Variants in TEX11 observed in about 807,000 individuals in gnomAD.
The protein encoded by TEX11 is testis-expressed protein 11.
Under a neutral mutation model 84.4 loss-of-function variants are expected in TEX11, and 7 were observed. The ratio of observed to expected loss-of-function variants is 0.08; its 90% confidence interval spans 0.05 to 0.16. The LOEUF (loss-of-function observed/expected upper bound fraction) is 0.16. Ranked by LOEUF, TEX11 falls within the 10% of genes least tolerant of loss-of-function variation. The pLI is 1.00. For synonymous variants in TEX11, 264 were observed against 222.8 expected (o/e 1.18, Z -1.64); for missense variants, 551 against 660.5 (o/e 0.83, Z 1.82).
intron 10 of TEX11, among the ~76,000 whole-genome samples, chrX:70,743,141 A>G (rs931422306): frequency 1.8e-5 from 2 of 112,040 alleles, no homozygotes. Context: ...ACCATACATT[A>G]TCTGTCTTTT....
chrX:70,671,803 A>AT (rs775135382), intron 15 of TEX11, among the ~76,000 whole-genome samples: 1 of 103,964 alleles, frequency 9.6e-6, no homozygotes, highest in Non-Finnish European at 2.0e-5. Context: ...CTACCATAAC[A>AT]TTTTTTGGAA....
At chrX:70,565,106 G>A (rs1382523724) in intron 25 of TEX11, among the ~76,000 whole-genome samples, 39 of 108,900 alleles carry the variant, frequency 3.6e-4, no homozygotes, top group African/African-American at 1.3e-3. Context: ...TCTAACTGGT[G>A]TGAGATGGTA....
At chrX:70,699,469 C>T (rs909016644) in intron 13 of TEX11, among the ~76,000 whole-genome samples, 1 of 111,602 alleles carries the variant, frequency 9.0e-6, no homozygotes, top group African/African-American at 3.3e-5. Context: ...TGGAGACACC[C>T]GCGGCTAGCC....
chrX:70,833,595 T>G lies in TEX11; in HGVS notation c.526-2A>C. ...TTGAAAATCCCCTTGAGCAACTGCC[T>G]GAAAAAGATAAAGAATGTCAATAAT... On this transcript the variant is annotated splice_acceptor_variant, in intron 7 of 29. Transcript: ENST00000374333. LOFTEE classifies it high-confidence loss of function. 8.4e-7 allele frequency: 1 copy of G among 1,184,126 alleles called. No homozygotes were observed. The highest frequency in any genetic ancestry group is 1.8e-5 in the African/African-American group (1 of 57,048).
At chrX:70,570,798 T>C (rs2088584841) in intron 25 of TEX11, among the ~76,000 whole-genome samples, 1 of 111,706 alleles carries the variant, frequency 9.0e-6, no homozygotes, top group East Asian at 2.8e-4. Flanking sequence ...AAGGAATTTG[T>C]CCATTTTGTC....
At chrX:70,697,319 C>T (rs1347541443) in intron 13 of TEX11, among the ~76,000 whole-genome samples, 1 of 111,534 alleles carries the variant, frequency 9.0e-6, no homozygotes, top group East Asian at 2.8e-4. Context: ...CATGGAAGCC[C>T]CTTTGGGGAC....
At chrX:70,671,284 A>C (rs1003239741) in intron 15 of TEX11, among the ~76,000 whole-genome samples, 2 of 111,509 alleles carry the variant, frequency 1.8e-5, no homozygotes, top group African/African-American at 3.2e-5. Context: ...AGGTAAGGTA[A>C]ATGATTCCCT....
intron 17 of TEX11, among the ~76,000 whole-genome samples, chrX:70,643,652 G>A (rs202080183): frequency 0.068 from 3,241 of 47,668 alleles, no homozygotes; most frequent in Non-Finnish European, 0.079. Context: ...ACAAACCTGA[G>A]AAAAACAAGC....
chrX:70,645,402 C>G (rs1336993561), intron 17 of TEX11, among the ~76,000 whole-genome samples: 2 of 111,104 alleles, frequency 1.8e-5, no homozygotes, highest in Admixed American at 9.6e-5. Flanking sequence ...CATGGATGCC[C>G]ACTCTCACTA....
At chrX:70,798,028 G>A (rs114169246) in intron 9 of TEX11, among the ~76,000 whole-genome samples, 2 of 101,848 alleles carry the variant, frequency 2.0e-5, no homozygotes, top group African/African-American at 3.6e-5. Flanking sequence ...GCAAGATGAG[G>A]GGGGGGGAAA....
intron 20 of TEX11, among the ~76,000 whole-genome samples, chrX:70,617,303 T>C (rs1386897363): frequency 1.9e-5 from 2 of 106,839 alleles, no homozygotes; most frequent in East Asian, 2.9e-4. Context: ...CAGATCTACA[T>C]AAAGATAGGA....
chrX:70,538,106 T>C, intron 28 of TEX11, among the ~76,000 whole-genome samples: 1 of 111,650 alleles, frequency 9.0e-6, no homozygotes, highest in Non-Finnish European at 1.9e-5. Flanking sequence ...GGGAAGATTC[T>C]GCTTTGTTCT....
intron 24 of TEX11, among the ~76,000 whole-genome samples, chrX:70,599,207 A>G (rs2089054334): frequency 8.9e-6 from 1 of 112,066 alleles, no homozygotes; most frequent in Non-Finnish European, 1.9e-5. Flanking sequence ...TAAATAAAAT[A>G]AAGAAATATT....
chrX:70,829,753 G>A (rs186500295), intron 8 of TEX11, among the ~76,000 whole-genome samples: 209 of 109,194 alleles, frequency 1.9e-3, no homozygotes, highest in African/African-American at 6.6e-3. Flanking sequence ...TTGGCTCTTT[G>A]TTAATACAAT....
Position 70,539,075 on chromosome X carries a change from C to T in TEX11, c.2521-9076G>A, listed in dbSNP as rs1342352052. 5.8e-5 allele frequency among the ~76,000 whole-genome samples: 5 copies of T among 85,503 alleles called. No individual in the cohort carries two copies. In the Admixed American group the frequency reaches 8.5e-4, roughly 14 times the overall value. The allele number at this position is 85,503 out of a possible 115,157, so 74.2% of individuals were successfully genotyped here. On this transcript the variant is annotated intron_variant, in intron 28 of 29. Coordinates refer to ENST00000374333, the MANE Select transcript of TEX11 (RefSeq NM_031276.3). ...TTTAAGATGGAGTCTCACTCTGTTG[C>T]CCAAGCTGGAGTGCAGTGGTGTGAT... is the stretch of plus-strand genomic sequence containing the variant.
chrX:70,591,149 A>G (rs1425393802), intron 25 of TEX11, among the ~76,000 whole-genome samples: 1 of 112,363 alleles, frequency 8.9e-6, no homozygotes, highest in Non-Finnish European at 1.9e-5. Context: ...TAAATTAGAC[A>G]TTAAATCTAG....
intron 5 of TEX11, among the ~76,000 whole-genome samples, chrX:70,858,750 T>G (rs1239136110): frequency 8.9e-6 from 1 of 111,943 alleles, no homozygotes; most frequent in Non-Finnish European, 1.9e-5. Flanking sequence ...AATAATCCAG[T>G]GGGTTGGCCA....
intron 9 of TEX11, among the ~76,000 whole-genome samples, chrX:70,745,574 A>G (rs2090763011): frequency 9.0e-6 from 1 of 111,195 alleles, no homozygotes; most frequent in Non-Finnish European, 1.9e-5. Context: ...GTCTCTACTA[A>G]TAATACAAAA....
chrX:70,736,881 C>A (rs4240817), intron 11 of TEX11, among the ~76,000 whole-genome samples: 8,641 of 111,173 alleles, frequency 0.078, 414 homozygotes, highest in Admixed American at 0.24. Context: ...ACATGAACAG[C>A]GGGATCAAAT....
Sources: allele counts gnomAD v4.1 joint callset (sites outside exome capture counted in the v4.1 genomes callset), GRCh38; gene constraint gnomAD v4.1.1; transcripts MANE v1.5; gene names NCBI Gene and HGNC (gene_info 2026-07-23, HGNC 2026-07-21).